The following CCDC57 variants were observed in gnomAD, a reference collection of about 807,000 sequenced individuals.
The protein encoded by CCDC57 is coiled-coil domain containing 57, also known as coiled-coil domain-containing protein 57.
CCDC57 carries 118 observed loss-of-function variants against 118.9 expected under a neutral mutation model. That is an observed-to-expected ratio of 0.99 (90% CI 0.86 to 1.16). The LOEUF (loss-of-function observed/expected upper bound fraction) is 1.16. CCDC57 is among the 50% of genes most tolerant of loss of function. The pLI is 0.00. For synonymous variants in CCDC57, 527 were observed against 532.9 expected, an observed-to-expected ratio of 0.99 and a Z score of 0.15; for missense variants, 1,300 against 1,320.7, an observed-to-expected ratio of 0.98 and a Z score of 0.24.
intron 16 of CCDC57, among the ~76,000 whole-genome samples, chr17:82,147,046 A>G: frequency 6.6e-6 from 1 of 152,236 alleles, no homozygotes; most frequent in East Asian, 1.9e-4. Context: ...AAGAAGGCAG[A>G]AAGTATCTGG....
chr17:82,156,342 C>T (rs776478496), intron 15 of CCDC57: 7 of 152,084 alleles, frequency 4.6e-5, no homozygotes, highest in Non-Finnish European at 8.8e-5. Flanking sequence ...ATTCTTGCCC[C>T]TTCATTCTAA....
intron 16 of CCDC57, among the ~76,000 whole-genome samples, chr17:82,146,820 C>T (rs1249502209): frequency 6.6e-6 from 1 of 152,146 alleles, no homozygotes; most frequent in East Asian, 1.9e-4. Flanking sequence ...TGTGTGCACA[C>T]AGTCTCACAT....
chr17:82,102,552 GT>G (rs1195454929), intron 19 of CCDC57, among the ~76,000 whole-genome samples: 20 of 151,872 alleles, frequency 1.3e-4, no homozygotes, highest in Admixed American at 1.2e-3. Context: ...GAATGTGGGG[GT>G]TTTTTTTGGT....
chr17:82,139,721 C>T (rs971146518), intron 16 of CCDC57, among the ~76,000 whole-genome samples: 1 of 152,150 alleles, frequency 6.6e-6, no homozygotes, highest in Admixed American at 6.5e-5. Context: ...TCATCTTGAA[C>T]AGGGACTGTC....
chr17:82,168,792 TAAA>T (rs57467852), intron 13 of CCDC57, among the ~76,000 whole-genome samples: 1 of 144,754 alleles, frequency 6.9e-6, no homozygotes. Context: ...TCAATTATCC[TAAA>T]AAAAAAAAAC....
chr17:82,192,055 G>A lies in CCDC57; in HGVS notation c.851+1701C>T, dbSNP rs1208945940. 1.3e-5 allele frequency among the ~76,000 whole-genome samples: 2 copies of A among 150,702 alleles called. No individual in the cohort carries two copies. Among genetic ancestry groups the A allele is most frequent in the African/African-American group, 4.9e-5 (2 of 40,836 alleles). On this transcript the variant is annotated intron_variant, in intron 7 of 19. Transcript: ENST00000665763. The surrounding 1 kb of genome is among the most constrained non-coding windows in gnomAD (Gnocchi z 4.0). ...GGCTGGAGTGCAGTGGCGCGGTCTC[G>A]GCTCAGTGAAACCTCCACCTCCCAA...
At chr17:82,130,043 A>T (rs2145303079) in intron 17 of CCDC57, among the ~76,000 whole-genome samples, 1 of 152,178 alleles carries the variant, frequency 6.6e-6, no homozygotes, top group African/African-American at 2.4e-5. Context: ...TACAAAAAAA[A>T]ATTAAAAATT....
At chr17:82,128,098 CG>C (rs2037741819) in intron 18 of CCDC57, among the ~76,000 whole-genome samples, 190 bp from the exon 18 acceptor site, 1 of 152,108 alleles carries the variant, frequency 6.6e-6, no homozygotes, top group Admixed American at 6.5e-5. Context: ...CGAGTCTCAG[CG>C]CTGGGAACGC....
In CCDC57 at chr17:82,127,368, TGCGCCCGG is replaced by T. The variant is rs1430731180; in HGVS notation, c.2899+316_2899+323del. 2,061 of 184,564 alleles carry T rather than the reference TGCGCCCGG, an allele frequency of 0.011. 36 individuals are homozygous for T. In the African/African-American group the frequency reaches 0.14, roughly 13 times the overall value. The allele number at this position is 184,564 out of a possible 1,614,324, so 11.4% of individuals were successfully genotyped here. ...ACCTGGGCTCCATTCTAAGTCAGCCTGCGCCCGGGTGTACAGTGCTCCATTCTAAGTCA... is the reference window on the plus strand; with the variant it reads ...ACCTGGGCTCCATTCTAAGTCAGCCTGTGTACAGTGCTCCATTCTAAGTCA... On this transcript the variant is annotated intron_variant, in intron 19 of 19. Transcript: ENST00000665763.
intron 17 of CCDC57, among the ~76,000 whole-genome samples, chr17:82,131,185 C>G (rs2038310739): frequency 6.8e-6 from 1 of 147,444 alleles, no homozygotes; most frequent in African/African-American, 2.5e-5. Context: ...AATCCCAGCA[C>G]TTTGGGAGGC....
intron 14 of CCDC57, among the ~76,000 whole-genome samples, chr17:82,162,235 G>A (rs540006196): frequency 2.0e-5 from 3 of 152,264 alleles, no homozygotes; most frequent in African/African-American, 7.2e-5. Context: ...CTGACCTCAG[G>A]AGTGGGGTGA....
At chr17:82,194,002 C>T (rs1388110506) in exon 6 of CCDC57, 2 of 1,611,934 alleles carry the variant, frequency 1.2e-6, no homozygotes, top group East Asian at 2.2e-5. Context: ...TCATGGCCTC[C>T]AGGTCCTGGA....
exon 20 of CCDC57, chr17:82,101,865 C>A: frequency 6.4e-7 from 1 of 1,570,924 alleles, no homozygotes; most frequent in South Asian, 1.2e-5. Flanking sequence ...GAGCTGGGAG[C>A]TCTGTCAGGT....
intron 10 of CCDC57, 73 bp downstream of exon 9, chr17:82,178,954 C>G: frequency 6.7e-7 from 1 of 1,501,834 alleles, no homozygotes; most frequent in Non-Finnish European, 9.0e-7. Context: ...TTGGTAAGAA[C>G]CAGACCCGTC....
At chr17:82,202,280 A>ACT (rs1294041624) in intron 2 of CCDC57, among the ~76,000 whole-genome samples, 2 of 152,192 alleles carry the variant, frequency 1.3e-5, no homozygotes, top group African/African-American at 4.8e-5. Flanking sequence ...CAGCCTGGCT[A>ACT]ACATGGTGAA....
At chr17:82,117,125 A>T (rs1438122648) in intron 19 of CCDC57, among the ~76,000 whole-genome samples, 1 of 152,064 alleles carries the variant, frequency 6.6e-6, no homozygotes, top group Non-Finnish European at 1.5e-5. Context: ...AGGCCGAGGT[A>T]GATCACTTGA....
chr17:82,188,788 T>C (rs972930421), intron 7 of CCDC57, among the ~76,000 whole-genome samples: 2 of 152,244 alleles, frequency 1.3e-5, no homozygotes, highest in Non-Finnish European at 2.9e-5. Context: ...CCTTGTATCC[T>C]GGCAGCCAGC....
intron 1 of CCDC57, among the ~76,000 whole-genome samples, chr17:82,209,399 C>T (rs1277654395): frequency 6.6e-6 from 1 of 152,168 alleles, no homozygotes; most frequent in East Asian, 1.9e-4. Context: ...AACTTAAAAT[C>T]AGTAAGGACT....
rs2044957199 is a variant in CCDC57 at position 82,172,980 on chromosome 17, C to G, written c.1507-120G>C. 1.2e-6 allele frequency: 1 copy of G among 825,364 alleles called. No homozygotes were observed. The highest frequency in any genetic ancestry group is 2.0e-5 in the Admixed American group (1 of 48,890). 51.1% of individuals were successfully genotyped at this position (825,364 alleles called of 1,614,324 possible). On this transcript the variant is annotated intron_variant, in intron 11 of 19. Coordinates refer to ENST00000665763, the Ensembl canonical transcript of CCDC57. The surrounding 1 kb of genome is among the most constrained non-coding windows in gnomAD (Gnocchi z 5.2). ...GGCCGGTCCCCCGCTTCAGCTTGGG[C>G]TGTGGTCCCTCCCCATCCCCAGGCT... is the stretch of plus-strand genomic sequence containing the variant.
Sources: gnomAD v4.1 joint callset for allele counts (sites outside exome capture counted in the v4.1 genomes callset) on GRCh38, gnomAD v4.1.1 for gene constraint, Gnocchi (gnomAD v3.1) non-coding constraint, MANE v1.5 for transcripts, NCBI Gene and HGNC (gene_info 2026-07-23, HGNC 2026-07-21) for gene names.